Variants in HTT observed in about 807,000 individuals in gnomAD.
HTT encodes huntingtin, also known as huntington disease protein.
Under a neutral mutation model 362.3 loss-of-function variants are expected in HTT, and 104 were observed. The observed-to-expected ratio is 0.29, with a 90% CI of 0.24 to 0.34. The LOEUF (loss-of-function observed/expected upper bound fraction) is 0.34, where lower values mean the gene tolerates loss of function less well. Ranked by LOEUF, HTT falls within the 10% of genes least tolerant of loss-of-function variation. HTT has a pLI of 1.00. For missense variants in HTT, 3,301 were observed against 3,928.6 expected (o/e 0.84, Z 4.27); for synonymous variants, 1,577 against 1,548.7 (o/e 1.02, Z -0.43).
chr4:3,235,206 G>A (rs114607488), intron 61 of HTT, 78 bp from the exon 62 acceptor site: 14,020 of 1,051,584 alleles, frequency 0.013, 132 homozygotes, highest in Non-Finnish European at 0.017. Context: ...ACACTCCCGC[G>A]TGGGGCCGGA....
At chr4:3,088,311 C>A (rs551120818) in intron 2 of HTT, among the ~76,000 whole-genome samples, 4 of 151,644 alleles carry the variant, frequency 2.6e-5, no homozygotes, top group African/African-American at 4.9e-5. Context: ...TTCAGCCTGG[C>A]GAGTAGCTGG....
chr4:3,207,007 A>G, intron 44 of HTT, 24 bp downstream of exon 44: 1 of 1,576,866 alleles, frequency 6.3e-7, no homozygotes, highest in Non-Finnish European at 8.6e-7. Flanking sequence ...AAACCCTGAT[A>G]TTGATTTATA....
At chr4:3,111,322 T>A (rs2110167569) in intron 6 of HTT, among the ~76,000 whole-genome samples, 1 of 152,184 alleles carries the variant, frequency 6.6e-6, no homozygotes, top group South Asian at 2.1e-4. Flanking sequence ...GCCTCTCAAG[T>A]AGCTGGGATT....
At chr4:3,188,800 C>A (rs537654349) in intron 39 of HTT, 151 bp from the exon 40 acceptor site, 2 of 681,520 alleles carry the variant, frequency 2.9e-6, no homozygotes, top group Non-Finnish European at 4.9e-6. Context: ...ACTGTGTCCA[C>A]GGCGACGGCG....
At chr4:3,185,498 A>G (rs1402754585) in intron 37 of HTT, among the ~76,000 whole-genome samples, 1 of 152,240 alleles carries the variant, frequency 6.6e-6, no homozygotes, top group Non-Finnish European at 1.5e-5. Context: ...GTTGTTTACT[A>G]TGTATACACA....
intron 2 of HTT, among the ~76,000 whole-genome samples, chr4:3,096,445 G>A (rs1283526200): frequency 6.6e-6 from 1 of 152,206 alleles, no homozygotes; most frequent in African/African-American, 2.4e-5. Flanking sequence ...CAGAATGTTT[G>A]CCAAGATAGA....
Position 3,153,973 on chromosome 4 carries a change from C to T in HTT, c.3499-320C>T, listed in dbSNP as rs575729464. ...TTTCATGTCATGGCGTCATGGCCAACATAGAATGCCCTGGTTGTTTGCTGT... is the reference window on the plus strand; with the variant it reads ...TTTCATGTCATGGCGTCATGGCCAATATAGAATGCCCTGGTTGTTTGCTGT... On this transcript the variant is annotated intron_variant, in intron 26 of 66. Transcript: ENST00000355072. Among the ~76,000 whole-genome samples, 3 of 152,250 alleles carry T rather than the reference C, an allele frequency of 2.0e-5. No individual in the cohort carries two copies. The South Asian group carries it at 6.2e-4, about 32-fold the overall frequency.
chr4:3,138,935 T>TA (rs917407047), intron 21 of HTT, among the ~76,000 whole-genome samples: 1 of 152,168 alleles, frequency 6.6e-6, no homozygotes, highest in Non-Finnish European at 1.5e-5. Context: ...TAAAATAACT[T>TA]ACCTTCTTTT....
In HTT at chr4:3,182,327, A is replaced by G. The variant is rs761459062; in HGVS notation, c.4750-27A>G. 54 of 1,472,482 alleles carry G rather than the reference A, an allele frequency of 3.7e-5. No individual in the cohort carries two copies. The Middle Eastern group carries it at 6.9e-4, about 19-fold the overall frequency. The allele number at this position is 1,472,482 out of a possible 1,614,324, so 91.2% of individuals were successfully genotyped here. ...GTGGAAAGGCGTCTCTTGGCAGCAGACTTTCTAATTGTGCACGCTCTTATA... is the reference window on the plus strand; with the variant it reads ...GTGGAAAGGCGTCTCTTGGCAGCAGGCTTTCTAATTGTGCACGCTCTTATA... On this transcript the variant is annotated intron_variant, in intron 36 of 66. Coordinates refer to ENST00000355072, the MANE Select transcript of HTT (RefSeq NM_001388492.1).
intron 3 of HTT, among the ~76,000 whole-genome samples, chr4:3,102,973 C>T (rs558565181): frequency 2.7e-4 from 41 of 152,166 alleles, no homozygotes; most frequent in African/African-American, 7.0e-4. Flanking sequence ...GCAGGGACCA[C>T]GGGCATACCT....
At chr4:3,097,592 G>A (rs188120311) in intron 2 of HTT, among the ~76,000 whole-genome samples, 254 of 152,182 alleles carry the variant, frequency 1.7e-3, no homozygotes, top group African/African-American at 5.8e-3. Context: ...AGATTGTGCC[G>A]TTGCACTCCA....
rs192890305 is a variant in HTT, at chr4:3,168,815, T to A, written c.3865-3505T>A. Among the ~76,000 whole-genome samples the A allele has an allele frequency of 4.6e-5, 7 of 152,286 alleles. No homozygotes were observed. The East Asian group carries it at 1.4e-3, about 29-fold the overall frequency. On this transcript the variant is annotated intron_variant, in intron 29 of 66. Transcript: ENST00000355072. ...TGCTTGAGCCTTGGGAGGTTGAGGC[T>A]GCAAAGAGCCATGATCATGCCATTG...
At chr4:3,087,059 C>T in intron 2 of HTT, 37 bp downstream of exon 2, 1 of 1,146,184 alleles carries the variant, frequency 8.7e-7, no homozygotes, top group Non-Finnish European at 1.3e-6. Context: ...AAAATAAGAA[C>T]TTTGTATATT....
rs1441079542 is a variant in HTT at position 3,099,871 on chromosome 4, C to CTG, written c.468+478_468+479insGT. On this transcript the variant is annotated intron_variant, in intron 3 of 66. Coordinates refer to ENST00000355072, the MANE Select transcript of HTT (RefSeq NM_001388492.1). ...TGCTCTTGTATGGTTTGGAGGTGCT[C>CTG]TTGTATGGTTTGGAGGTGCTCTGTT... Among the ~76,000 whole-genome samples the CTG allele has an allele frequency of 2.8e-5, 4 of 145,056 alleles. No individual in the cohort carries two copies. In the Admixed American group the frequency reaches 2.8e-4, roughly 10 times the overall value.
chr4:3,199,661 A>T (rs1719439212), intron 40 of HTT, 71 bp from the exon 41 acceptor site: 2 of 1,376,528 alleles, frequency 1.5e-6, no homozygotes, highest in East Asian at 4.6e-5. Context: ...TTTTATGTAA[A>T]ATCTTCGCGT....
chr4:3,115,180 A>G (rs1453741171), intron 6 of HTT, 124 bp from the exon 7 acceptor site: 1 of 982,196 alleles, frequency 1.0e-6, no homozygotes, highest in African/African-American at 1.6e-5. Context: ...GCTGTAGGAA[A>G]AGCCTCAAAC....
At chr4:3,204,852 G>A (rs1719778955) in intron 42 of HTT, among the ~76,000 whole-genome samples, 1 of 152,030 alleles carries the variant, frequency 6.6e-6, no homozygotes, top group Non-Finnish European at 1.5e-5. Flanking sequence ...GCGTGGTGGT[G>A]CATGCCTGTG....
chr4:3,173,667 A>G (rs1432019124), intron 31 of HTT, among the ~76,000 whole-genome samples: 1 of 148,392 alleles, frequency 6.7e-6, no homozygotes, highest in Non-Finnish European at 1.5e-5. Flanking sequence ...TTTTCACTTA[A>G]ATTTGTTTTT....
Position 3,240,615 on chromosome 4 carries a change from A to T in HTT, c.*556A>T, listed in dbSNP as rs1578622990. Reference sequence around the variant, plus strand: ...CTCCCTTCTCTCTTTTCTTCTCAGGATTTAAAATTTAATTATATCAGTAAA... The same window carrying T: ...CTCCCTTCTCTCTTTTCTTCTCAGGTTTTAAAATTTAATTATATCAGTAAA... On this transcript the variant is annotated 3_prime_UTR_variant, in exon 67 of 67. Transcript: ENST00000355072. 1 of 157,268 alleles carries T rather than the reference A, an allele frequency of 6.4e-6. No homozygotes were observed. Among genetic ancestry groups the T allele is most frequent in the Non-Finnish European group, 1.4e-5 (1 of 70,930 alleles). 9.7% of individuals were successfully genotyped at this position (157,268 alleles called of 1,614,324 possible).
Sources: gnomAD v4.1 joint callset for allele counts (sites outside exome capture counted in the v4.1 genomes callset) on GRCh38, gnomAD v4.1.1 for gene constraint, MANE v1.5 for transcripts, NCBI Gene and HGNC (gene_info 2026-07-23, HGNC 2026-07-21) for gene names.